ABLIM2: variants seen among roughly 807,000 people sequenced by gnomAD.
ABLIM2 encodes actin-binding LIM protein 2.
In ABLIM2, 53 loss-of-function variants were observed where a neutral mutation model predicts 97.7. That is an observed-to-expected ratio of 0.54 (90% CI 0.44 to 0.68). The LOEUF (loss-of-function observed/expected upper bound fraction) is 0.68, where lower values mean the gene tolerates loss of function less well. ABLIM2 is among the 30% of genes least tolerant of loss of function. The pLI is 0.00. For missense variants in ABLIM2, 835 were observed against 867.2 expected, an observed-to-expected ratio of 0.96 and a Z score of 0.47; for synonymous variants, 361 against 345.8, an observed-to-expected ratio of 1.04 and a Z score of -0.49.
At chr4:8,088,130 T>A in intron 4 of ABLIM2, 39 bp downstream of exon 4, 1 of 720,982 alleles carries the variant, frequency 1.4e-6, no homozygotes, top group Non-Finnish European at 2.0e-6. Context: ...CCACTCAGCA[T>A]GCCCCCACTC....
Position 8,097,087 on chromosome 4 carries a change from C to A in ABLIM2, c.338+12G>T. 1 of 1,596,036 alleles carries A rather than the reference C, an allele frequency of 6.3e-7. No homozygotes were observed. Among genetic ancestry groups the A allele is most frequent in the Non-Finnish European group, 8.6e-7 (1 of 1,169,436 alleles). The stretch of plus-strand genomic sequence containing the variant: ...GGCAGGGGAAGCAGAGGCCAGGTGC[C>A]CACTTACTCACCGGCAGACGGCACA... On this transcript the variant is annotated intron_variant, in intron 3 of 20. Coordinates refer to ENST00000447017, the MANE Select transcript of ABLIM2 (RefSeq NM_001130083.2).
intron 14 of ABLIM2, among the ~76,000 whole-genome samples, chr4:8,009,388 T>A (rs1386849058): frequency 6.6e-6 from 1 of 152,142 alleles, no homozygotes; most frequent in African/African-American, 2.4e-5. Flanking sequence ...CTTGGCCTTT[T>A]GATTTTGTTT....
chr4:8,072,157 A>T lies in ABLIM2; in HGVS notation c.675+5471T>A. On this transcript the variant is annotated intron_variant, in intron 6 of 20. Transcript: ENST00000447017. The surrounding 1 kb of genome is among the most constrained non-coding windows in gnomAD (Gnocchi z 5.8). ...GGAGGCCCTTTCTCCTCCACAGCAGAGGAGGAGGAAAAAACCCAGACCTGT... is the reference window on the plus strand; with the variant it reads ...GGAGGCCCTTTCTCCTCCACAGCAGTGGAGGAGGAAAAAACCCAGACCTGT... The T allele has an allele frequency of 2.6e-6, 2 of 762,756 alleles. No individual in the cohort carries two copies. Among genetic ancestry groups the T allele is most frequent in the Non-Finnish European group, 3.2e-6 (2 of 626,554 alleles). The allele number at this position is 762,756 out of a possible 1,614,324, so 47.2% of individuals were successfully genotyped here.
chr4:8,028,484 C>A (rs1259738497), intron 11 of ABLIM2, among the ~76,000 whole-genome samples: 1 of 152,222 alleles, frequency 6.6e-6, no homozygotes, highest in Non-Finnish European at 1.5e-5. Context: ...CTCTCTCATT[C>A]CCTTATTTGC....
chr4:8,043,007 C>T lies in ABLIM2; in HGVS notation c.900+2157G>A, dbSNP rs542352404. Among the ~76,000 whole-genome samples, 1 of 152,042 alleles carries T rather than the reference C, an allele frequency of 6.6e-6. No individual in the cohort carries two copies. The highest frequency in any genetic ancestry group is 1.9e-4 in the East Asian group (1 of 5,178). On this transcript the variant is annotated intron_variant, in intron 9 of 20. Transcript: ENST00000447017. The surrounding 1 kb of genome is among the most constrained non-coding windows in gnomAD (Gnocchi z 4.8). ...CTCAACAAAAAATACAAAAATTAGCCAGGTGTGATGGTGCATGCCTGTAGT... is the reference window on the plus strand; with the variant it reads ...CTCAACAAAAAATACAAAAATTAGCTAGGTGTGATGGTGCATGCCTGTAGT...
At chr4:8,035,144 C>T (rs546014301) in intron 10 of ABLIM2, among the ~76,000 whole-genome samples, 5 of 151,756 alleles carry the variant, frequency 3.3e-5, no homozygotes, top group Admixed American at 3.3e-4. Flanking sequence ...TCCCTCAGCT[C>T]CCCCCACTGG....
chr4:8,018,086 CTT>C (rs938069040), intron 14 of ABLIM2, among the ~76,000 whole-genome samples: 4 of 152,058 alleles, frequency 2.6e-5, no homozygotes, highest in Non-Finnish European at 2.9e-5. Context: ...GGTCGAAACT[CTT>C]TGTCTTAGAT....
At position 8,106,558 on chromosome 4, in the gene ABLIM2, C is replaced by T; in HGVS notation, c.90G>A (p.Val30=). 2 of 1,609,326 alleles carry T rather than the reference C, an allele frequency of 1.2e-6. No homozygotes were observed. The highest frequency in any genetic ancestry group is 8.5e-7 in the Non-Finnish European group (1 of 1,178,204). ...TAILCNTCGN[V]CKGEVLRVQD... ...GCACCCGCAGCACCTCGCCCTTGCA[C>T]ACATTCCCACACGTGTTGCACAGGA... Residue 30 remains valine, a synonymous_variant, in exon 2 of 21, where the codon GTG becomes GTA. Coordinates refer to ENST00000447017, the MANE Select transcript of ABLIM2 (RefSeq NM_001130083.2).
intron 14 of ABLIM2, chr4:8,010,608 T>C (rs1764288475): frequency 1.0e-6 from 1 of 977,406 alleles, no homozygotes; most frequent in South Asian, 4.7e-5. Flanking sequence ...TACACTAACA[T>C]CTCGTTACTC....
At chr4:8,025,559 T>G (rs1776782553) in intron 12 of ABLIM2, among the ~76,000 whole-genome samples, 1 of 152,168 alleles carries the variant, frequency 6.6e-6, no homozygotes, top group Admixed American at 6.5e-5. Flanking sequence ...AGGAGGGGGC[T>G]GCTCCCCAGG....
intron 12 of ABLIM2, 115 bp from the exon 13 acceptor site, chr4:8,020,418 G>T: frequency 1.1e-6 from 1 of 928,988 alleles, no homozygotes. Context: ...GTCTGGTGGA[G>T]CAGCCCAGAT....
Position 8,130,098 on chromosome 4 carries a change from A to T in ABLIM2, c.11-23461T>A, listed in dbSNP as rs573418912. 5.9e-5 allele frequency among the ~76,000 whole-genome samples: 9 copies of T among 152,286 alleles called. No homozygotes were observed. In the South Asian group the frequency reaches 1.9e-3, roughly 32 times the overall value. ...TCCAGCCTGCTGTTCACCCCTAAGC[A>T]TCTAGTTTATTCAAAGGCAGCCCCC... is the stretch of plus-strand genomic sequence containing the variant. On this transcript the variant is annotated intron_variant, in intron 1 of 20. Transcript: ENST00000447017. The surrounding 1 kb of genome is among the most constrained non-coding windows in gnomAD (Gnocchi z 4.2).
At chr4:8,153,987 CAG>C (rs1714146083) in intron 1 of ABLIM2, among the ~76,000 whole-genome samples, 1 of 117,502 alleles carries the variant, frequency 8.5e-6, no homozygotes, top group Non-Finnish European at 1.7e-5. Flanking sequence ...TTTTGAGATA[CAG>C]TCTCACTCTG....
intron 7 of ABLIM2, among the ~76,000 whole-genome samples, chr4:8,059,458 C>G (rs1801441204): frequency 6.6e-6 from 1 of 152,092 alleles, no homozygotes; most frequent in South Asian, 2.1e-4. Flanking sequence ...GTCCCTGGGT[C>G]TCTTCTCAGT....
intron 7 of ABLIM2, among the ~76,000 whole-genome samples, chr4:8,055,560 G>C (rs1449912366): frequency 6.6e-6 from 1 of 152,240 alleles, no homozygotes; most frequent in Non-Finnish European, 1.5e-5. Flanking sequence ...ACGAAGGTGA[G>C]GGCTGTGGCT....
At position 8,097,260 on chromosome 4, in the gene ABLIM2, C is replaced by T; in HGVS notation, c.177G>A (p.Glu59=). Residue 59 remains glutamate, a synonymous_variant, in exon 3 of 21, where the codon GAG becomes GAA. Transcript: ENST00000447017. ...VCKACGCDLA[E]GGFFVRQGEY... is the part of the protein sequence containing the mutation. ...CGCCCTGCCGCACGAAGAAGCCGCCCTCGGCCAGGTCGCAGCCACATGCTG... is the reference window on the plus strand; with the variant it reads ...CGCCCTGCCGCACGAAGAAGCCGCCTTCGGCCAGGTCGCAGCCACATGCTG... 1 of 1,566,868 alleles carries T rather than the reference C, an allele frequency of 6.4e-7. No homozygotes were observed. The highest frequency in any genetic ancestry group is 8.6e-7 in the Non-Finnish European group (1 of 1,156,898).
At chr4:8,047,790 G>C (rs1793517247) in intron 8 of ABLIM2, among the ~76,000 whole-genome samples, 1 of 152,274 alleles carries the variant, frequency 6.6e-6, no homozygotes, top group Non-Finnish European at 1.5e-5. Flanking sequence ...TTAGATCAGG[G>C]ATGAGGCACG....
intron 4 of ABLIM2, among the ~76,000 whole-genome samples, chr4:8,081,946 CGTGA>C (rs1243091141): frequency 6.6e-6 from 1 of 152,128 alleles, no homozygotes; most frequent in African/African-American, 2.4e-5. Context: ...GTGACTGGTG[CGTGA>C]GTGTGTCTAC....
intron 8 of ABLIM2, among the ~76,000 whole-genome samples, chr4:8,051,759 G>A (rs73074038): frequency 0.054 from 8,203 of 152,072 alleles, 555 homozygotes; most frequent in African/African-American, 0.16. Flanking sequence ...TGCCCCACAT[G>A]TCCCTGGCAC....
Sources: gnomAD v4.1 joint callset for allele counts (sites outside exome capture counted in the v4.1 genomes callset) on GRCh38, gnomAD v4.1.1 for gene constraint, Gnocchi (gnomAD v3.1) non-coding constraint, MANE v1.5 for transcripts, NCBI Gene and HGNC (gene_info 2026-07-23, HGNC 2026-07-21) for gene names.